Variants in RCAN2 observed in about 807,000 individuals in gnomAD.
RCAN2 encodes regulator of calcineurin 2.
In RCAN2, 9 loss-of-function variants were observed where a neutral mutation model predicts 23.6. The ratio of observed to expected loss-of-function variants is 0.38; its 90% confidence interval spans 0.23 to 0.67. The LOEUF is 0.67. Among genes scored for constraint, RCAN2 ranks in the 30% least tolerant of loss-of-function variants. RCAN2 has a pLI of 0.51. For missense variants in RCAN2, 273 were observed against 302.3 expected (o/e 0.90, Z 0.72); for synonymous variants, 109 against 115.7 (o/e 0.94, Z 0.37).
At chr6:46,462,478 G>C (rs756546833) in intron 1 of RCAN2, among the ~76,000 whole-genome samples, 5 of 152,118 alleles carry the variant, frequency 3.3e-5, no homozygotes, top group Non-Finnish European at 7.4e-5. Flanking sequence ...CAAATAACAT[G>C]ATAGCACTTT....
At chr6:46,471,887 G>A (rs777559159) in intron 1 of RCAN2, among the ~76,000 whole-genome samples, 16 of 151,884 alleles carry the variant, frequency 1.1e-4, no homozygotes, top group South Asian at 2.1e-4. Flanking sequence ...AACCAGGTGC[G>A]TGCGCACACA....
intron 2 of RCAN2, among the ~76,000 whole-genome samples, chr6:46,412,849 A>G (rs1195901517): frequency 3.3e-5 from 5 of 152,128 alleles, no homozygotes; most frequent in African/African-American, 1.2e-4. Context: ...AGGAACAGAG[A>G]GAATGATAGC....
chr6:46,264,122 G>A (rs1767236965), intron 2 of RCAN2, among the ~76,000 whole-genome samples: 1 of 152,168 alleles, frequency 6.6e-6, no homozygotes, highest in Non-Finnish European at 1.5e-5. Context: ...AACAAGCAGT[G>A]TTCTACCTTC....
chr6:46,221,828 A>G lies in RCAN2; in HGVS notation c.*1313T>C. The G allele has an allele frequency of 5.0e-6, 2 of 397,958 alleles. No individual in the cohort carries two copies. The highest frequency in any genetic ancestry group is 3.6e-5 in the East Asian group (1 of 28,078). The allele number at this position is 397,958 out of a possible 1,614,324, so 24.7% of individuals were successfully genotyped here. On this transcript the variant is annotated 3_prime_UTR_variant, in exon 5 of 5. Coordinates refer to ENST00000371374, the MANE Select transcript of RCAN2 (RefSeq NM_001251974.2). ...CAGGAGTAGATGAGGCCTGGCACAC[A>G]TAGCAGAAGGTAATGGTTCTATAGG...
chr6:46,245,154 T>C (rs1766470028), intron 4 of RCAN2, among the ~76,000 whole-genome samples: 1 of 152,240 alleles, frequency 6.6e-6, no homozygotes, highest in South Asian at 2.1e-4. Flanking sequence ...ATTATATTGC[T>C]TCTTTCATCA....
At chr6:46,298,206 T>TA (rs1469208110) in intron 2 of RCAN2, among the ~76,000 whole-genome samples, 1 of 152,114 alleles carries the variant, frequency 6.6e-6, no homozygotes, top group East Asian at 1.9e-4. Context: ...ATAATTAACT[T>TA]ATAAAAGTAC....
intron 2 of RCAN2, among the ~76,000 whole-genome samples, chr6:46,326,570 A>C (rs993266091): frequency 2.6e-5 from 4 of 152,274 alleles, no homozygotes; most frequent in Admixed American, 1.3e-4. Context: ...AAATAAATCA[A>C]TCAAACAGGA....
chr6:46,429,495 A>G (rs1298388152), intron 2 of RCAN2, among the ~76,000 whole-genome samples: 1 of 152,204 alleles, frequency 6.6e-6, no homozygotes, highest in African/African-American at 2.4e-5. Context: ...TGGTTATTAC[A>G]CTGAAGAAGG....
At chr6:46,241,575 C>A (rs997540430) in intron 4 of RCAN2, among the ~76,000 whole-genome samples, 1 of 152,176 alleles carries the variant, frequency 6.6e-6, no homozygotes, top group Non-Finnish European at 1.5e-5. Flanking sequence ...TGTGAGGGAA[C>A]GAAAGGCATA....
intron 2 of RCAN2, among the ~76,000 whole-genome samples, chr6:46,385,860 C>CAA (rs59568594): frequency 6.6e-4 from 26 of 39,624 alleles, no homozygotes; most frequent in East Asian, 1.7e-3. Flanking sequence ...CTCTCTCTCT[C>CAA]AAAAAAAAAA....
intron 2 of RCAN2, among the ~76,000 whole-genome samples, chr6:46,345,059 A>G (rs976577143): frequency 2.6e-5 from 4 of 152,092 alleles, no homozygotes; most frequent in African/African-American, 9.6e-5. Flanking sequence ...GACTGGTTGA[A>G]AGTAAAAATT....
chr6:46,419,239 C>CTT (rs1561898256), intron 2 of RCAN2, among the ~76,000 whole-genome samples: 2 of 152,150 alleles, frequency 1.3e-5, no homozygotes, highest in Non-Finnish European at 2.9e-5. Flanking sequence ...ACATCAGGGC[C>CTT]TTTTAACCAA....
At chr6:46,414,371 G>T (rs148182453) in intron 2 of RCAN2, among the ~76,000 whole-genome samples, 25 of 152,334 alleles carry the variant, frequency 1.6e-4, no homozygotes, top group Non-Finnish European at 7.3e-5. Context: ...AGGTGGGAAA[G>T]TTAGAGGTAG....
At chr6:46,287,713 T>C (rs1267114002) in intron 2 of RCAN2, among the ~76,000 whole-genome samples, 2 of 152,258 alleles carry the variant, frequency 1.3e-5, no homozygotes, top group African/African-American at 2.4e-5. Context: ...TTAGAGAAGA[T>C]TCAAAGCCAA....
At chr6:46,357,007 T>C (rs1266851327) in intron 2 of RCAN2, among the ~76,000 whole-genome samples, 1 of 152,232 alleles carries the variant, frequency 6.6e-6, no homozygotes, top group Admixed American at 6.5e-5. Context: ...TGTAATTCTG[T>C]TGGGGTAAAT....
intron 2 of RCAN2, among the ~76,000 whole-genome samples, chr6:46,309,033 C>T (rs1009628401): frequency 2.6e-5 from 4 of 152,014 alleles, no homozygotes; most frequent in Non-Finnish European, 5.9e-5. Flanking sequence ...CTGGAGAGCT[C>T]CAGGCTTGGA....
At chr6:46,306,486 G>C (rs1763072203) in intron 2 of RCAN2, among the ~76,000 whole-genome samples, 1 of 152,118 alleles carries the variant, frequency 6.6e-6, no homozygotes, top group African/African-American at 2.4e-5. Flanking sequence ...AAGGATATAA[G>C]GCAACTTAGA....
intron 1 of RCAN2, among the ~76,000 whole-genome samples, chr6:46,457,266 T>C (rs1768066233): frequency 6.6e-6 from 1 of 152,204 alleles, no homozygotes; most frequent in South Asian, 2.1e-4. Context: ...CCACCACTAC[T>C]ACCAATGTCT....
intron 2 of RCAN2, among the ~76,000 whole-genome samples, chr6:46,454,192 G>A (rs1227317558): frequency 1.3e-5 from 2 of 152,158 alleles, no homozygotes; most frequent in African/African-American, 2.4e-5. Context: ...TCAGATTCAC[G>A]AAACCTAAAC....
Sources: gnomAD v4.1 joint callset for allele counts (sites outside exome capture counted in the v4.1 genomes callset) on GRCh38, gnomAD v4.1.1 for gene constraint, MANE v1.5 for transcripts, NCBI Gene and HGNC (gene_info 2026-07-23, HGNC 2026-07-21) for gene names.